SEL1L: variants seen among roughly 807,000 people sequenced by gnomAD.
The protein encoded by SEL1L is SEL1L adaptor subunit of SYVN1 ubiquitin ligase, also known as protein sel-1 homolog 1.
In SEL1L, 52 loss-of-function variants were observed where a neutral mutation model predicts 109.8. That is an observed-to-expected ratio of 0.47 (90% CI 0.38 to 0.60). The LOEUF is 0.60. Ranked by LOEUF, SEL1L falls within the 20% of genes least tolerant of loss-of-function variation. The pLI is 0.00. For missense variants in SEL1L, 749 were observed against 962.2 expected (o/e 0.78, Z 2.93); for synonymous variants, 373 against 339.6 (o/e 1.10, Z -1.08).
Position 81,472,481 on chromosome 14 carries a change from C to T in SEL1L, c.*4491G>A. 3.3e-6 allele frequency: 1 copy of T among 298,656 alleles called. No homozygotes were observed. Among genetic ancestry groups the T allele is most frequent in the Non-Finnish European group, 6.5e-6 (1 of 153,932 alleles). 18.5% of individuals were successfully genotyped at this position (298,656 alleles called of 1,614,324 possible). ...CAATTGCACTTTGTGTACATGTTCA[C>T]TCTTGATTTAATATTTTTTCATTTC... On this transcript the variant is annotated 3_prime_UTR_variant, in exon 21 of 21. Transcript: ENST00000336735.
chr14:81,521,758 C>G lies in SEL1L; in HGVS notation c.340+4975G>C, dbSNP rs114763973. Among the ~76,000 whole-genome samples the G allele has an allele frequency of 3.1e-3, 469 of 152,200 alleles. 1 individual carries two copies. The highest frequency in any genetic ancestry group is 0.011 in the African/African-American group (442 of 41,512). On this transcript the variant is annotated intron_variant, in intron 3 of 20. Coordinates refer to ENST00000336735, the MANE Select transcript of SEL1L (RefSeq NM_005065.6). The stretch of plus-strand genomic sequence containing the variant: ...GTTACTGGTCTACATATTTACTATA[C>G]TTTTCATCCTTACTTTAGCATGTAC...
In SEL1L at chr14:81,484,517, C is replaced by T. The variant is rs543387178; in HGVS notation, c.1874-120G>A. 20 of 937,736 alleles carry T rather than the reference C, an allele frequency of 2.1e-5. No homozygotes were observed. In the African/African-American group the frequency reaches 2.6e-4, roughly 12 times the overall value. The allele number at this position is 937,736 out of a possible 1,614,324, so 58.1% of individuals were successfully genotyped here. Reference sequence around the variant, plus strand: ...ACAAAGAATTTTAATTCATAGTACACAAACTTTGTAACAAATCCTTTCAGC... The same window carrying T: ...ACAAAGAATTTTAATTCATAGTACATAAACTTTGTAACAAATCCTTTCAGC... On this transcript the variant is annotated intron_variant, in intron 18 of 20. Transcript: ENST00000336735.
chr14:81,528,756 T>C (rs1467253382), intron 1 of SEL1L, among the ~76,000 whole-genome samples: 1 of 152,172 alleles, frequency 6.6e-6, no homozygotes, highest in Non-Finnish European at 1.5e-5. Context: ...CCATGTCATT[T>C]TTTACTAGAA....
chr14:81,502,198 A>G (rs906685274), intron 6 of SEL1L, among the ~76,000 whole-genome samples: 6 of 152,310 alleles, frequency 3.9e-5, no homozygotes, highest in African/African-American at 1.4e-4. Context: ...TATCGTGTAT[A>G]TATACACAAA....
chr14:81,506,914 G>C (rs973874100), intron 3 of SEL1L, among the ~76,000 whole-genome samples: 6 of 152,194 alleles, frequency 3.9e-5, no homozygotes, highest in African/African-American at 1.2e-4. Context: ...TTACTGCCTA[G>C]CCAGGAAGAG....
At chr14:81,500,747 C>A (rs1883969698) in intron 6 of SEL1L, among the ~76,000 whole-genome samples, 1 of 150,158 alleles carries the variant, frequency 6.7e-6, no homozygotes, top group Non-Finnish European at 1.5e-5. Context: ...CCAAGATAAA[C>A]TATCTCAGAT....
In SEL1L at chr14:81,476,527, C is replaced by G. The variant is rs1294842787; in HGVS notation, c.*445G>C. The G allele has an allele frequency of 6.6e-6, 1 of 152,400 alleles. No individual in the cohort carries two copies. The allele number at this position is 152,400 out of a possible 1,614,324, so 9.4% of individuals were successfully genotyped here. On this transcript the variant is annotated 3_prime_UTR_variant, in exon 21 of 21. Coordinates refer to ENST00000336735, the MANE Select transcript of SEL1L (RefSeq NM_005065.6). The stretch of plus-strand genomic sequence containing the variant: ...TTAAAAGGCAAGTTCTATTTTCAGA[C>G]TTTCGAACACGTTTAAACTTGCAAC...
intron 3 of SEL1L, among the ~76,000 whole-genome samples, chr14:81,518,700 T>A (rs919720184): frequency 2.0e-4 from 30 of 146,396 alleles, no homozygotes; most frequent in Non-Finnish European, 3.4e-4. Flanking sequence ...ATTAGAAAGG[T>A]TAAAACTTAG....
chr14:81,504,135 G>T, intron 5 of SEL1L, 66 bp downstream of exon 5: 1 of 920,458 alleles, frequency 1.1e-6, no homozygotes, highest in Non-Finnish European at 1.6e-6. Context: ...TTTAAAGAAT[G>T]TAGTTGCTAT....
chr14:81,532,895 C>T (rs981658607), intron 1 of SEL1L, among the ~76,000 whole-genome samples: 1 of 151,916 alleles, frequency 6.6e-6, no homozygotes, highest in Non-Finnish European at 1.5e-5. Context: ...TTTTCATGAA[C>T]ACTCTCAAAA....
intron 8 of SEL1L, 122 bp from the exon 9 acceptor site, chr14:81,498,616 C>T (rs1390462103): frequency 3.0e-6 from 2 of 668,090 alleles, no homozygotes; most frequent in South Asian, 3.9e-5. Context: ...TACACTAACA[C>T]CTTATTTATG....
rs1319757557 is a variant in SEL1L at position 81,505,983 on chromosome 14, A to G, written c.508+91T>C. 4.7e-6 allele frequency: 6 copies of G among 1,289,106 alleles called. No homozygotes were observed. The African/African-American group carries it at 6.0e-5, about 13-fold the overall frequency. 79.9% of individuals were successfully genotyped at this position (1,289,106 alleles called of 1,614,324 possible). On this transcript the variant is annotated intron_variant, in intron 4 of 20. Transcript: ENST00000336735. ...CAGCAATGCTGGCCATTTCTGACCA[A>G]TGTGGAAAAAGGATGGCTAGAAAAA...
At chr14:81,533,377 G>A (rs1324289658) in intron 1 of SEL1L, among the ~76,000 whole-genome samples, 2 of 152,160 alleles carry the variant, frequency 1.3e-5, no homozygotes, top group Non-Finnish European at 2.9e-5. Context: ...TCGGGCTCCT[G>A]TATCAGGATT....
rs1019188776 is a variant in SEL1L, at chr14:81,514,601, G to A, written c.341-8360C>T. Reference sequence around the variant, plus strand: ...CCTTGGTCCTCTTTGTGGTCTAGGAGGAAAACTAGTGTTTCTGCTGCTTTG... The same window carrying A: ...CCTTGGTCCTCTTTGTGGTCTAGGAAGAAAACTAGTGTTTCTGCTGCTTTG... On this transcript the variant is annotated intron_variant, in intron 3 of 20. Transcript: ENST00000336735. 4.6e-5 allele frequency among the ~76,000 whole-genome samples: 7 copies of A among 152,274 alleles called. No homozygotes were observed. In the East Asian group the frequency reaches 1.2e-3, roughly 25 times the overall value.
At position 81,475,280 on chromosome 14, in the gene SEL1L, T is replaced by C. The variant is rs1194034077; in HGVS notation, c.*1692A>G. On this transcript the variant is annotated 3_prime_UTR_variant, in exon 21 of 21. Transcript: ENST00000336735. ...TTTCACAGATACGCTTTCATACATA[T>C]GGCTCTCTTGGTGACTAACTCTTCG... 6.6e-6 allele frequency: 1 copy of C among 152,532 alleles called. No individual in the cohort carries two copies. The highest frequency in any genetic ancestry group is 1.5e-5 in the Non-Finnish European group (1 of 68,032). 9.4% of individuals were successfully genotyped at this position (152,532 alleles called of 1,614,324 possible).
intron 5 of SEL1L, among the ~76,000 whole-genome samples, chr14:81,503,324 G>A (rs1884095127): frequency 6.6e-6 from 1 of 152,056 alleles, no homozygotes; most frequent in South Asian, 2.1e-4. Flanking sequence ...ACTTATACAT[G>A]TAAAAAACAT....
intron 5 of SEL1L, among the ~76,000 whole-genome samples, chr14:81,503,253 A>C (rs1884089432): frequency 6.6e-6 from 1 of 152,248 alleles, no homozygotes; most frequent in East Asian, 1.9e-4. Flanking sequence ...TTGGGATTAC[A>C]GGCGTGAGCC....
At chr14:81,509,090 C>G (rs1472531254) in intron 3 of SEL1L, among the ~76,000 whole-genome samples, 1 of 152,218 alleles carries the variant, frequency 6.6e-6, no homozygotes, top group Non-Finnish European at 1.5e-5. Context: ...CAGCTACCTT[C>G]TCCAAGGGAA....
chr14:81,499,461 A>C lies in SEL1L; in HGVS notation c.889T>G (p.Leu297Val). Residue 297 changes from leucine to valine, a missense_variant and splice_region_variant, in exon 8 of 21, where the codon TTG (leucine) becomes GTG (valine). Leu to Val is a conservative substitution (Grantham distance 32). Transcript: ENST00000336735. ...LGGNLIAHMV[L>V]GYRYWAGIGV... ...GCCTTCCACTAAAGTCTACTTACCA[A>C]AACCATGTGGGCTATTAGATTGCCC... 3.7e-6 allele frequency: 6 copies of C among 1,610,642 alleles called. No homozygotes were observed. Among genetic ancestry groups the C allele is most frequent in the Non-Finnish European group, 5.1e-6 (6 of 1,179,068 alleles).
Sources: gnomAD v4.1 joint callset for allele counts (sites outside exome capture counted in the v4.1 genomes callset) on GRCh38, gnomAD v4.1.1 for gene constraint, MANE v1.5 for transcripts, NCBI Gene and HGNC (gene_info 2026-07-23, HGNC 2026-07-21) for gene names.